PRDM16: variants seen among roughly 807,000 people sequenced by gnomAD.
PRDM16 encodes the protein PR/SET domain 16.
PRDM16 carries 23 observed loss-of-function variants against 110.6 expected under a neutral mutation model. The observed-to-expected ratio is 0.21, with a 90% confidence interval of 0.15 to 0.29. PRDM16 has a LOEUF of 0.29. Among genes scored for constraint, PRDM16 ranks in the 10% least tolerant of loss-of-function variants. PRDM16 has a pLI of 1.00. For missense variants in PRDM16, 1,615 were observed against 1,794.3 expected (o/e 0.90, Z 1.81); for synonymous variants, 799 against 781.8 (o/e 1.02, Z -0.37).
At chr1:3,294,680 G>A (rs768272213) in intron 3 of PRDM16, among the ~76,000 whole-genome samples, 3 of 152,078 alleles carry the variant, frequency 2.0e-5, no homozygotes, top group South Asian at 2.1e-4. Context: ...CCCAGGCCTC[G>A]CGGGCTGGGC....
chr1:3,264,179 GC>G (rs1640232307), intron 3 of PRDM16, among the ~76,000 whole-genome samples: 1 of 152,230 alleles, frequency 6.6e-6, no homozygotes. Flanking sequence ...AATAACAGGT[GC>G]TATGGAGTCC....
intron 1 of PRDM16, among the ~76,000 whole-genome samples, chr1:3,097,583 C>T (rs1642434509): frequency 6.6e-6 from 1 of 152,226 alleles, no homozygotes; most frequent in Non-Finnish European, 1.5e-5. Context: ...CCTCCAAAAG[C>T]TCAGCCTCCA....
chr1:3,219,304 A>C (rs1639099518), intron 2 of PRDM16, among the ~76,000 whole-genome samples: 1 of 152,232 alleles, frequency 6.6e-6, no homozygotes, highest in Non-Finnish European at 1.5e-5. Context: ...AAAATGTTTC[A>C]CACTGTGTCG....
At chr1:3,249,561 TACAC>T (rs970572440) in intron 3 of PRDM16, among the ~76,000 whole-genome samples, 3 of 150,010 alleles carry the variant, frequency 2.0e-5, no homozygotes, top group Admixed American at 6.7e-5. Flanking sequence ...AAAAAAAAAA[TACAC>T]ACCAAAATCC....
intron 3 of PRDM16, among the ~76,000 whole-genome samples, chr1:3,304,593 C>G (rs1350844746): frequency 6.6e-6 from 1 of 152,150 alleles, no homozygotes; most frequent in African/African-American, 2.4e-5. Context: ...AACTGCATGT[C>G]CACACGAGGA....
intron 3 of PRDM16, among the ~76,000 whole-genome samples, chr1:3,369,368 T>G (rs994057705): frequency 3.3e-5 from 5 of 152,186 alleles, no homozygotes; most frequent in Admixed American, 6.5e-5. Context: ...AGGGTGGGCT[T>G]AGCACACAGC....
rs1019032298 is a variant in PRDM16 at position 3,339,474 on chromosome 1, A to G, written c.439-45678A>G. On this transcript the variant is annotated intron_variant, in intron 3 of 16. Transcript: ENST00000270722. The surrounding 1 kb of genome is among the most constrained non-coding windows in gnomAD (Gnocchi z 5.0). Reference sequence around the variant, plus strand: ...CATGACCCCTACCCAGTGAATCCACAGGGGCTTCCTGGAGGAAGTGCTACT... The same window carrying G: ...CATGACCCCTACCCAGTGAATCCACGGGGGCTTCCTGGAGGAAGTGCTACT... 1.2e-4 allele frequency among the ~76,000 whole-genome samples: 18 copies of G among 152,226 alleles called. No individual in the cohort carries two copies. The highest frequency in any genetic ancestry group is 8.3e-4 in the South Asian group (4 of 4,818).
intron 2 of PRDM16, among the ~76,000 whole-genome samples, chr1:3,203,212 G>A (rs1407920463): frequency 1.3e-5 from 2 of 152,216 alleles, no homozygotes; most frequent in African/African-American, 2.4e-5. Flanking sequence ...TATGGGTGGT[G>A]GGGGGCCAGG....
chr1:3,185,532 C>T (rs1644257441), intron 1 of PRDM16, among the ~76,000 whole-genome samples: 1 of 152,084 alleles, frequency 6.6e-6, no homozygotes, highest in African/African-American at 2.4e-5. Flanking sequence ...GTCCAGCCTG[C>T]GGCCCAAGTG....
At chr1:3,077,306 C>G (rs990226927) in intron 1 of PRDM16, among the ~76,000 whole-genome samples, 1 of 152,188 alleles carries the variant, frequency 6.6e-6, no homozygotes, top group African/African-American at 2.4e-5. Context: ...CACCCCAACT[C>G]TGCATCGTGT....
intron 3 of PRDM16, among the ~76,000 whole-genome samples, chr1:3,383,178 C>T (rs1021890335): frequency 6.6e-6 from 1 of 152,180 alleles, no homozygotes; most frequent in Non-Finnish European, 1.5e-5. Flanking sequence ...GCATTTCTGC[C>T]GCTGCCGTCT....
At chr1:3,273,845 TGTGTG>T (rs1640520547) in intron 3 of PRDM16, among the ~76,000 whole-genome samples, 2 of 151,280 alleles carry the variant, frequency 1.3e-5, no homozygotes, top group African/African-American at 4.9e-5. Flanking sequence ...TGTGTGTGTG[TGTGTG>T]TATGGGCTGC....
intron 8 of PRDM16, among the ~76,000 whole-genome samples, chr1:3,409,094 TC>T (rs879762226): frequency 0.012 from 1,760 of 150,148 alleles, 19 homozygotes; most frequent in Non-Finnish European, 0.019. Context: ...TGGGCGCGTG[TC>T]TGTGAGTGCG....
In PRDM16 at chr1:3,275,749, C is replaced by T. The variant is rs369491442; in HGVS notation, c.438+31612C>T. Among the ~76,000 whole-genome samples the T allele has an allele frequency of 1.2e-4, 19 of 152,136 alleles. No homozygotes were observed. The East Asian group carries it at 1.7e-3, about 14-fold the overall frequency. On this transcript the variant is annotated intron_variant, in intron 3 of 16. Coordinates refer to ENST00000270722, the MANE Select transcript of PRDM16 (RefSeq NM_022114.4). ...TTAGGTGACCTTTTGCTGAGGGTGA[C>T]GTGAGAACCACCAGTGAGAGCCAGG...
chr1:3,411,733 C>A lies in PRDM16; in HGVS notation c.1536C>A (p.Pro512=). 1.2e-6 allele frequency: 2 copies of A among 1,611,434 alleles called. No individual in the cohort carries two copies. The highest frequency in any genetic ancestry group is 1.7e-6 in the Non-Finnish European group (2 of 1,178,812). Residue 512 remains proline (P), a synonymous_variant, in exon 9 of 17, where the codon CCC becomes CCA. Transcript: ENST00000270722. Reference sequence around the variant, plus strand: ...CTCCCACGTTCCCCGCACTCACCCCCGGCTTCCCGGGCATCTTCCCTCCAT... The same window carrying A: ...CTCCCACGTTCCCCGCACTCACCCCAGGCTTCCCGGGCATCTTCCCTCCAT... The part of the protein sequence containing the change: ...TAPPTFPALT[P]GFPGIFPPSL...
Position 3,411,828 on chromosome 1 carries a change from A to G in PRDM16, c.1631A>G (p.Asp544Gly), listed in dbSNP as rs765421823. 3.7e-6 allele frequency: 6 copies of G among 1,610,986 alleles called. No homozygotes were observed. The Admixed American group carries it at 8.3e-5, about 22-fold the overall frequency. ...AAGAGCCCCCTGAACCACACCCAGG[A>G]CGCCAAGCTCCCCAGTCCCCTGGGG... is the stretch of plus-strand genomic sequence containing the variant. ...LLKSPLNHTQ[D>G]AKLPSPLGNP... The change falls in exon 9 of 17, where the codon GAC becomes GGC. Residue 544 changes from aspartate (D) to glycine (G), a missense_variant. Physicochemically the swap from Asp to Gly is moderately conservative, Grantham distance 94. Transcript: ENST00000270722.
At chr1:3,150,370 A>G (rs1029546528) in intron 1 of PRDM16, among the ~76,000 whole-genome samples, 1 of 148,248 alleles carries the variant, frequency 6.7e-6, no homozygotes, top group Non-Finnish European at 1.5e-5. Context: ...AGCCTGGCCA[A>G]CATGGTAAAA....
chr1:3,246,817 G>T lies in PRDM16; in HGVS notation c.438+2680G>T, dbSNP rs766797344. Among the ~76,000 whole-genome samples, 3 of 152,266 alleles carry T rather than the reference G, an allele frequency of 2.0e-5. No homozygotes were observed. Among genetic ancestry groups the T allele is most frequent in the South Asian group, 2.1e-4 (1 of 4,816 alleles). On this transcript the variant is annotated intron_variant, in intron 3 of 16. Transcript: ENST00000270722. The surrounding 1 kb of genome is among the most constrained non-coding windows in gnomAD (Gnocchi z 5.2). ...CTAGGCACTCTCGGGGAGCCGGGGGGGTTGGGGCTGAGAGACTGAGAGACA... is the reference window on the plus strand; with the variant it reads ...CTAGGCACTCTCGGGGAGCCGGGGGTGTTGGGGCTGAGAGACTGAGAGACA...
intron 3 of PRDM16, among the ~76,000 whole-genome samples, chr1:3,351,266 G>A (rs1642476347): frequency 6.6e-6 from 1 of 152,090 alleles, no homozygotes; most frequent in Admixed American, 6.5e-5. Flanking sequence ...CCTCCAGGTG[G>A]AAAAGACTCT....
Sources: allele counts gnomAD v4.1 joint callset (sites outside exome capture counted in the v4.1 genomes callset), GRCh38; gene constraint gnomAD v4.1.1; non-coding constraint Gnocchi (gnomAD v3.1); transcripts MANE v1.5; gene names NCBI Gene and HGNC (gene_info 2026-07-23, HGNC 2026-07-21).